Variants in DAB1 observed in about 807,000 individuals in gnomAD.
DAB1 encodes the protein disabled homolog 1.
Under a neutral mutation model 64.6 loss-of-function variants are expected in DAB1, and 15 were observed. That is an observed-to-expected ratio of 0.23 (90% CI 0.16 to 0.36). The LOEUF is 0.36. Ranked by LOEUF, DAB1 falls within the 10% of genes least tolerant of loss-of-function variation. The pLI is 1.00. For missense variants in DAB1, 596 were observed against 706.7 expected (o/e 0.84, Z 1.78); for synonymous variants, 235 against 251.9 (o/e 0.93, Z 0.64).
chr1:58,449,374 T>C (rs1302832578), intron 3 of DAB1, among the ~76,000 whole-genome samples: 1 of 152,188 alleles, frequency 6.6e-6, no homozygotes, highest in Non-Finnish European at 1.5e-5. Flanking sequence ...TCATAGATGA[T>C]GTGCATGTCC....
intron 4 of DAB1, among the ~76,000 whole-genome samples, chr1:57,108,188 C>A (rs572442536): frequency 6.6e-6 from 1 of 152,256 alleles, no homozygotes; most frequent in South Asian, 2.1e-4. Flanking sequence ...ATATTATCCC[C>A]AAATGAGCCT....
chr1:57,045,065 C>T (rs1296280788), intron 9 of DAB1, among the ~76,000 whole-genome samples: 3 of 152,134 alleles, frequency 2.0e-5, no homozygotes, highest in South Asian at 2.1e-4. Flanking sequence ...AGTAAATGAC[C>T]GAGCTAGAAT....
At chr1:57,092,042 A>G (rs1653728326) in intron 4 of DAB1, among the ~76,000 whole-genome samples, 1 of 152,216 alleles carries the variant, frequency 6.6e-6, no homozygotes, top group Admixed American at 6.5e-5. Flanking sequence ...ATGGGATTAG[A>G]TGCAGAAAAG....
intron 2 of DAB1, among the ~76,000 whole-genome samples, chr1:57,156,055 C>T (rs908434275): frequency 6.6e-6 from 1 of 152,112 alleles, no homozygotes; most frequent in African/African-American, 2.4e-5. Flanking sequence ...ACCCTGTAGG[C>T]TGCTGTCTTT....
At chr1:57,462,868 A>T (rs1170868380) in intron 7 of DAB1, among the ~76,000 whole-genome samples, 1 of 152,180 alleles carries the variant, frequency 6.6e-6, no homozygotes, top group Admixed American at 6.5e-5. Context: ...ATGGCCTAAC[A>T]ACAGAGTTCA....
At chr1:58,486,920 T>C (rs926335811) in intron 3 of DAB1, among the ~76,000 whole-genome samples, 1 of 152,136 alleles carries the variant, frequency 6.6e-6, no homozygotes, top group East Asian at 1.9e-4. Flanking sequence ...TGTGGTGAAG[T>C]TGGAGAGCTA....
intron 6 of DAB1, among the ~76,000 whole-genome samples, chr1:57,683,122 G>A (rs779504630): frequency 2.0e-5 from 3 of 152,280 alleles, no homozygotes; most frequent in Non-Finnish European, 2.9e-5. Context: ...GCCAAGATCT[G>A]TGGCCCGCAT....
At chr1:57,570,646 T>C (rs533799065) in intron 7 of DAB1, among the ~76,000 whole-genome samples, 2 of 152,296 alleles carry the variant, frequency 1.3e-5, no homozygotes, top group South Asian at 2.1e-4. Flanking sequence ...AGTCTTGTTT[T>C]GGCTATACAG....
At chr1:57,663,865 T>C (rs555648056) in intron 6 of DAB1, among the ~76,000 whole-genome samples, 1 of 152,246 alleles carries the variant, frequency 6.6e-6, no homozygotes, top group Admixed American at 6.5e-5. Context: ...AACTAGAACT[T>C]GTGTTCAGTT....
intron 4 of DAB1, among the ~76,000 whole-genome samples, chr1:58,300,075 G>A (rs1662086080): frequency 1.3e-5 from 2 of 152,106 alleles, no homozygotes; most frequent in African/African-American, 4.8e-5. Flanking sequence ...AGTAGACAAA[G>A]GTAGATTTAG....
At chr1:57,027,210 G>A (rs1646818392) in intron 9 of DAB1, among the ~76,000 whole-genome samples, 1 of 152,126 alleles carries the variant, frequency 6.6e-6, no homozygotes, top group African/African-American at 2.4e-5. Flanking sequence ...TCCATGCCTG[G>A]GGGTGTGGAG....
At chr1:57,028,016 T>G (rs1646847409) in intron 9 of DAB1, among the ~76,000 whole-genome samples, 1 of 152,072 alleles carries the variant, frequency 6.6e-6, no homozygotes, top group South Asian at 2.1e-4. Flanking sequence ...GCAAATAATC[T>G]CAGGTAATGC....
intron 3 of DAB1, among the ~76,000 whole-genome samples, chr1:58,344,466 G>A (rs181402822): frequency 9.2e-5 from 14 of 152,174 alleles, no homozygotes; most frequent in Non-Finnish European, 1.5e-4. Flanking sequence ...GATGAAACGA[G>A]GGCTCATATT....
intron 2 of DAB1, among the ~76,000 whole-genome samples, chr1:57,251,718 G>A (rs1669357513): frequency 6.6e-6 from 1 of 152,024 alleles, no homozygotes; most frequent in Non-Finnish European, 1.5e-5. Context: ...GAAATAGAAG[G>A]AATTTTTTCC....
chr1:57,388,012 A>C (rs956706312), intron 1 of DAB1, among the ~76,000 whole-genome samples: 3 of 152,132 alleles, frequency 2.0e-5, no homozygotes, highest in Admixed American at 6.5e-5. Flanking sequence ...ACAAGCATCA[A>C]AGGTTGACTT....
In DAB1 at chr1:58,174,386, A is replaced by G. The variant is rs189203718; in HGVS notation, n.310-23798T>C. On this transcript the variant is annotated intron_variant and non_coding_transcript_variant, in intron 4 of 20. Transcript: ENST00000485760. Reference sequence around the variant, plus strand: ...CTAGGATCAAGGCCATCAAGCTACAATGGTCTTACAAATGGAACCCCAAAT... The same window carrying G: ...CTAGGATCAAGGCCATCAAGCTACAGTGGTCTTACAAATGGAACCCCAAAT... Among the ~76,000 whole-genome samples the G allele has an allele frequency of 1.8e-4, 28 of 152,218 alleles. No homozygotes were observed. In the East Asian group the frequency reaches 4.8e-3, roughly 26 times the overall value.
At chr1:58,112,386 T>C (rs1253174425) in intron 5 of DAB1, among the ~76,000 whole-genome samples, 1 of 152,212 alleles carries the variant, frequency 6.6e-6, no homozygotes, top group African/African-American at 2.4e-5. Flanking sequence ...ATAAATACAT[T>C]TTTGAATTAA....
Position 58,488,064 on chromosome 1 carries a change from T to C in DAB1, n.257+17996A>G, listed in dbSNP as rs961875576. Among the ~76,000 whole-genome samples, 3 of 152,190 alleles carry C rather than the reference T, an allele frequency of 2.0e-5. No individual in the cohort carries two copies. The South Asian group carries it at 6.2e-4, about 31-fold the overall frequency. ...TATTTGAGACATTTATAGTTCTATA[T>C]TTCTTTTCTCTTTTTCTAATATAGA... On this transcript the variant is annotated intron_variant and non_coding_transcript_variant, in intron 3 of 20. Coordinates refer to the DAB1 transcript ENST00000485760.
chr1:58,220,704 C>G (rs897456959), intron 4 of DAB1, among the ~76,000 whole-genome samples: 12 of 152,066 alleles, frequency 7.9e-5, no homozygotes, highest in African/African-American at 2.9e-4. Flanking sequence ...CCCATTTCCC[C>G]AATTTAAAAT....
Sources: gnomAD v4.1 joint callset for allele counts (sites outside exome capture counted in the v4.1 genomes callset) on GRCh38, gnomAD v4.1.1 for gene constraint, MANE v1.5 for transcripts, NCBI Gene and HGNC (gene_info 2026-07-23, HGNC 2026-07-21) for gene names.